Variants in DAB2IP observed in about 807,000 individuals in gnomAD.
The protein encoded by DAB2IP is DAB2 interacting protein, also known as disabled homolog 2-interacting protein.
Under a neutral mutation model 107.2 loss-of-function variants are expected in DAB2IP, and 28 were observed. The observed-to-expected ratio is 0.26, with a 90% CI of 0.19 to 0.36. DAB2IP has a LOEUF of 0.36. Among genes scored for constraint, DAB2IP ranks in the 10% least tolerant of loss-of-function variants. The pLI is 1.00. For missense variants in DAB2IP, 1,400 were observed against 1,644.7 expected, an observed-to-expected ratio of 0.85 and a Z score of 2.57; for synonymous variants, 755 against 706.4, an observed-to-expected ratio of 1.07 and a Z score of -1.09.
At chr9:121,773,426 C>T (rs1834925333) in exon 12 of DAB2IP, 2 of 1,558,576 alleles carry the variant, frequency 1.3e-6, no homozygotes, top group East Asian at 4.5e-5. Context: ...CCAGTACCCG[C>T]CTGAGGCAGC....
chr9:121,641,041 T>C (rs1003016), intron 1 of DAB2IP, among the ~76,000 whole-genome samples: 64,471 of 152,028 alleles, frequency 0.42, 14,227 homozygotes, highest in African/African-American at 0.53. Context: ...AATCATTAAT[T>C]GCCAAGAGAG....
rs936475909 is a variant in DAB2IP at position 121,599,859 on chromosome 9, C to G, written c.40+32631C>G. 6.6e-6 allele frequency among the ~76,000 whole-genome samples: 1 copy of G among 151,990 alleles called. No individual in the cohort carries two copies. Among genetic ancestry groups the G allele is most frequent in the Non-Finnish European group, 1.5e-5 (1 of 67,988 alleles). On this transcript the variant is annotated intron_variant, in intron 1 of 16. Coordinates refer to the DAB2IP transcript ENST00000259371. This position sits in a 1 kb window ranked among gnomAD's most constrained non-coding sequence, Gnocchi z 6.9. ...CCGGGTTCGAGAGGATCCGGGGGCT[C>G]CGATGCGAGGTGTTGGGGTAGGGGA...
At chr9:121,757,203 T>G in intron 4 of DAB2IP, 37 bp downstream of exon 4, 2 of 1,604,072 alleles carry the variant, frequency 1.2e-6, no homozygotes, top group Non-Finnish European at 1.7e-6. Context: ...GGACACCCCA[T>G]CCTCTCCTGG....
At chr9:121,708,714 T>C (rs1830179591) in intron 3 of DAB2IP, among the ~76,000 whole-genome samples, 1 of 152,198 alleles carries the variant, frequency 6.6e-6, no homozygotes, top group South Asian at 2.1e-4. Flanking sequence ...TTACTTAGGA[T>C]TGAGCGAGCA....
At chr9:121,783,023 CAG>C in exon 16 of DAB2IP, 4 of 1,027,548 alleles carry the variant, frequency 3.9e-6, no homozygotes, top group Non-Finnish European at 4.7e-6. Context: ...TAGGAGGACA[CAG>C]AGCAGGAGGT....
chr9:121,697,358 A>T (rs529408826), intron 2 of DAB2IP, among the ~76,000 whole-genome samples: 1 of 152,360 alleles, frequency 6.6e-6, no homozygotes, highest in African/African-American at 2.4e-5. Flanking sequence ...GTACAAGCCC[A>T]TTGGGATAAC....
At chr9:121,574,370 C>T (rs574265557) in intron 1 of DAB2IP, among the ~76,000 whole-genome samples, 22 of 152,130 alleles carry the variant, frequency 1.4e-4, no homozygotes, top group African/African-American at 5.1e-4. Context: ...GGGGAAGGGA[C>T]GCCAGAATCT....
chr9:121,584,972 C>T lies in DAB2IP; in HGVS notation c.40+17744C>T, dbSNP rs1381236155. ...GCAGTAGCTATTCACAGGCACGATC[C>T]TAGCCAACTACAGCCTTCAACTCCA... On this transcript the variant is annotated intron_variant, in intron 1 of 16. Transcript: ENST00000259371. Among the ~76,000 whole-genome samples, 4 of 152,282 alleles carry T rather than the reference C, an allele frequency of 2.6e-5. No individual in the cohort carries two copies. In the East Asian group the frequency reaches 7.7e-4, roughly 29 times the overall value.
chr9:121,693,965 G>T (rs1829290053), intron 2 of DAB2IP, among the ~76,000 whole-genome samples: 1 of 152,198 alleles, frequency 6.6e-6, no homozygotes, highest in African/African-American at 2.4e-5. Flanking sequence ...TTCCCTAGGG[G>T]CTGCCTCCTC....
intron 3 of DAB2IP, among the ~76,000 whole-genome samples, chr9:121,709,434 T>C (rs1830224713): frequency 1.3e-5 from 2 of 152,206 alleles, no homozygotes. Context: ...TGGTGCTTTC[T>C]CGTGCATTTG....
intron 3 of DAB2IP, among the ~76,000 whole-genome samples, chr9:121,717,386 CAT>C (rs962259740): frequency 7.9e-5 from 12 of 152,352 alleles, no homozygotes; most frequent in African/African-American, 2.6e-4. Flanking sequence ...CGTTTCTACA[CAT>C]GAGAGGAAAC....
chr9:121,699,339 C>T lies in DAB2IP; in HGVS notation c.243C>T (p.Arg81=). Residue 81 remains arginine, a synonymous_variant, in exon 3 of 16, where the codon CGC becomes CGT. Coordinates refer to ENST00000408936, the Ensembl canonical transcript of DAB2IP. This position sits in a 1 kb window ranked among gnomAD's most constrained non-coding sequence, Gnocchi z 6.2. The stretch of plus-strand genomic sequence containing the variant: ...CCCGTGCGCAGGGCTTCCTCAGCCG[C>T]CGCCTCAAGGGCTCCATCAAGCGCA... 1 of 1,468,416 alleles carries T rather than the reference C, an allele frequency of 6.8e-7. No homozygotes were observed. The highest frequency in any genetic ancestry group is 9.1e-7 in the Non-Finnish European group (1 of 1,098,580). 91.0% of individuals were successfully genotyped at this position (1,468,416 alleles called of 1,614,324 possible).
chr9:121,572,863 C>T (rs521394), intron 1 of DAB2IP, among the ~76,000 whole-genome samples: 45,935 of 151,848 alleles, frequency 0.3, 7,658 homozygotes, highest in African/African-American at 0.4. Context: ...GGAGGTGGAG[C>T]AGGCAGCTCA....
At chr9:121,689,324 T>A (rs1323901644) in intron 2 of DAB2IP, among the ~76,000 whole-genome samples, 1 of 149,918 alleles carries the variant, frequency 6.7e-6, no homozygotes, top group Non-Finnish European at 1.5e-5. Context: ...TGACCTTGAC[T>A]CCACCCCATA....
In DAB2IP at chr9:121,635,109, A is replaced by C. The variant is rs2777311; in HGVS notation, c.41-43569A>C. Among the ~76,000 whole-genome samples, 62,259 of 152,014 alleles carry C rather than the reference A, an allele frequency of 0.41. 13,800 individuals carry two copies. The highest frequency in any genetic ancestry group is 0.57 in the African/African-American group (23,819 of 41,450). On this transcript the variant is annotated intron_variant, in intron 1 of 16. Transcript: ENST00000259371. The surrounding 1 kb of genome is among the most constrained non-coding windows in gnomAD (Gnocchi z 4.3). ...GAAGCTTGGCAGAGGGTGGCTATGGAGTGGAGGGGGCTGGAGAGGCCAGGC... is the reference window on the plus strand; with the variant it reads ...GAAGCTTGGCAGAGGGTGGCTATGGCGTGGAGGGGGCTGGAGAGGCCAGGC...
chr9:121,723,774 C>T (rs535790180), intron 3 of DAB2IP, among the ~76,000 whole-genome samples: 2 of 152,238 alleles, frequency 1.3e-5, no homozygotes, highest in East Asian at 1.9e-4. Context: ...GGGGGTAGGG[C>T]GGAGAGGAGG....
intron 1 of DAB2IP, among the ~76,000 whole-genome samples, chr9:121,624,642 C>T (rs143930009): frequency 3.9e-5 from 6 of 152,158 alleles, no homozygotes; most frequent in African/African-American, 1.2e-4. Flanking sequence ...ACATGCTGTA[C>T]AGGCTTGTAT....
chr9:121,737,792 G>C (rs1832036236), intron 3 of DAB2IP: 1 of 984,164 alleles, frequency 1.0e-6, no homozygotes, highest in Non-Finnish European at 1.2e-6. Context: ...TCTCCAGCCA[G>C]GTATGGGGTC....
At chr9:121,784,746 TG>T in exon 16 of DAB2IP, 1 of 153,994 alleles carries the variant, frequency 6.5e-6, no homozygotes, top group Non-Finnish European at 1.5e-5. Context: ...AGAACAGTAT[TG>T]GGCAGGAGGA....
Sources: gnomAD v4.1 joint callset for allele counts (sites outside exome capture counted in the v4.1 genomes callset) on GRCh38, gnomAD v4.1.1 for gene constraint, Gnocchi (gnomAD v3.1) non-coding constraint, MANE v1.5 for transcripts, NCBI Gene and HGNC (gene_info 2026-07-23, HGNC 2026-07-21) for gene names.